NXN: variants seen among roughly 807,000 people sequenced by gnomAD.
NXN encodes the protein nucleoredoxin 1.
Under a neutral mutation model 48.6 loss-of-function variants are expected in NXN, and 16 were observed. The observed-to-expected ratio is 0.33, with a 90% CI of 0.22 to 0.50. The LOEUF is 0.50. Ranked by LOEUF, NXN falls within the 20% of genes least tolerant of loss-of-function variation. NXN has a pLI of 0.98. For missense variants in NXN, 492 were observed against 605.5 expected (o/e 0.81, Z 1.97); for synonymous variants, 281 against 269.6 (o/e 1.04, Z -0.41).
chr17:889,699 A>AAAAGAAAG lies in NXN; in HGVS notation c.361-63629_361-63622dup, dbSNP rs201931057. 4.4e-4 allele frequency among the ~76,000 whole-genome samples: 56 copies of AAAAGAAAG among 126,670 alleles called. No homozygotes were observed. In the East Asian group the frequency reaches 5.6e-3, roughly 13 times the overall value. 83.1% of individuals were successfully genotyped at this position (126,670 alleles called of 152,430 possible). A position where few individuals can be genotyped will look rare whatever the true frequency, so the allele number is the denominator to read the frequency against. Reference sequence around the variant, plus strand: ...AAGAAAAGAAAAGAAGAAAGAAAGAAAAAGAAAGAAAGAAAGAAAGAAAGA... The same window carrying AAAAGAAAG: ...AAGAAAAGAAAAGAAGAAAGAAAGAAAAAGAAAGAAAGAAAGAAAGAAAGAAAGAAAGA... On this transcript the variant is annotated intron_variant, in intron 1 of 7. Transcript: ENST00000336868.
intron 6 of NXN, among the ~76,000 whole-genome samples, chr17:804,264 T>C (rs1012464345): frequency 2.0e-5 from 3 of 147,890 alleles, no homozygotes; most frequent in East Asian, 4.0e-4. Context: ...GACTGTGGTC[T>C]GGTCAGCGGC....
chr17:805,574 C>T (rs763690498), intron 5 of NXN, among the ~76,000 whole-genome samples: 8 of 152,124 alleles, frequency 5.3e-5, no homozygotes, highest in South Asian at 2.1e-4. Context: ...TGAGTTCATG[C>T]GGTTAAAGAA....
chr17:903,824 G>A (rs983111725), intron 1 of NXN, among the ~76,000 whole-genome samples: 5 of 152,174 alleles, frequency 3.3e-5, no homozygotes, highest in East Asian at 3.9e-4. Context: ...TATTATGACC[G>A]CAGCCAAAGG....
intron 1 of NXN, among the ~76,000 whole-genome samples, chr17:827,438 C>T (rs1033805905): frequency 4.6e-5 from 7 of 152,114 alleles, no homozygotes; most frequent in Admixed American, 1.3e-4. Context: ...CTGGCTAACA[C>T]GGTGAAACCC....
chr17:979,237 G>T, intron 1 of NXN, 82 bp downstream of exon 1: 1 of 1,024,758 alleles, frequency 9.8e-7, no homozygotes, highest in South Asian at 1.8e-5. Context: ...TTGGCGGAGG[G>T]CAGGGGTAAC....
intron 1 of NXN, among the ~76,000 whole-genome samples, chr17:889,632 G>C (rs973879539): frequency 1.3e-5 from 2 of 151,542 alleles, no homozygotes; most frequent in African/African-American, 4.9e-5. Flanking sequence ...AGCCGAGATT[G>C]CTCCATTGCA....
At chr17:888,082 T>C (rs886557433) in intron 1 of NXN, among the ~76,000 whole-genome samples, 4 of 152,120 alleles carry the variant, frequency 2.6e-5, no homozygotes, top group Admixed American at 1.3e-4. Context: ...CTTGGGTTCA[T>C]ACGACACGGA....
chr17:803,234 A>G (rs1454047678), intron 7 of NXN, among the ~76,000 whole-genome samples: 1 of 151,952 alleles, frequency 6.6e-6, no homozygotes, highest in African/African-American at 2.4e-5. Context: ...CAACCTCAGC[A>G]CTCACCGGGC....
Position 843,010 on chromosome 17 carries a change from A to AAGAAAGAG in NXN, c.361-16933_361-16932insCTCTTTCT, listed in dbSNP as rs1567829011. ...AAAGAGAGAAAGAGAGAAAGAGAGA[A>AAGAAAGAG]AGAAAGAAAGAAAGAAAGAAAGAAA... is the stretch of plus-strand genomic sequence containing the variant. On this transcript the variant is annotated intron_variant, in intron 1 of 7. Coordinates refer to ENST00000336868, the MANE Select transcript of NXN (RefSeq NM_022463.5). 1.4e-4 allele frequency among the ~76,000 whole-genome samples: 12 copies of AAGAAAGAG among 85,128 alleles called. 1 individual carries two copies. In the Middle Eastern group the frequency reaches 0.024, roughly 169 times the overall value. The allele number at this position is 85,128 out of a possible 152,430, so 55.8% of individuals were successfully genotyped here. A position where few individuals can be genotyped will look rare whatever the true frequency, so the allele number is the denominator to read the frequency against.
intron 1 of NXN, among the ~76,000 whole-genome samples, chr17:959,792 A>G (rs1269478664): frequency 7.5e-5 from 2 of 26,734 alleles, no homozygotes; most frequent in Non-Finnish European, 2.2e-4. Flanking sequence ...GAGACTCTGT[A>G]TAAAAAAAAA....
chr17:961,393 A>G (rs2150629198), intron 1 of NXN, among the ~76,000 whole-genome samples: 1 of 152,068 alleles, frequency 6.6e-6, no homozygotes, highest in African/African-American at 2.4e-5. Flanking sequence ...TCAAGAAAAA[A>G]AAAAAAGAAA....
Position 825,987 on chromosome 17 carries a change from AGCCCGTTCCT to A in NXN, c.442_451del (p.Arg148CysfsTer3). The A allele has an allele frequency of 6.2e-7, 1 of 1,613,304 alleles. No individual in the cohort carries two copies. The highest frequency in any genetic ancestry group is 8.5e-7 in the Non-Finnish European group (1 of 1,179,462). ...TTCTGGGTCATCTCGGATCACCAGCAGCCCGTTCCTGCACACAACCTTCCCAGTGGTGGCG... is the reference window on the plus strand; with the variant it reads ...TTCTGGGTCATCTCGGATCACCAGCAGCACACAACCTTCCCAGTGGTGGCG... On this transcript the variant is annotated frameshift_variant, in exon 2 of 8. Coordinates refer to ENST00000336868, the MANE Select transcript of NXN (RefSeq NM_022463.5). LOFTEE classifies it high-confidence loss of function. The surrounding 1 kb of genome is among the most constrained non-coding windows in gnomAD (Gnocchi z 4.1).
chr17:813,958 ACT>A (rs750471428), intron 5 of NXN, among the ~76,000 whole-genome samples: 3 of 125,712 alleles, frequency 2.4e-5, no homozygotes, highest in Non-Finnish European at 4.9e-5. Flanking sequence ...ACAGAGCAAG[ACT>A]CTGTCTAAAA....
intron 1 of NXN, among the ~76,000 whole-genome samples, chr17:851,231 A>G (rs1291203025): frequency 2.0e-5 from 3 of 152,232 alleles, no homozygotes; most frequent in African/African-American, 7.2e-5. Context: ...GCCGGGGCCC[A>G]GCAAGCCTGA....
Position 917,984 on chromosome 17 carries a change from A to G in NXN, c.360+61335T>C, listed in dbSNP as rs1303677735. Among the ~76,000 whole-genome samples the G allele has an allele frequency of 1.3e-5, 2 of 152,244 alleles. No individual in the cohort carries two copies. Among genetic ancestry groups the G allele is most frequent in the African/African-American group, 2.4e-5 (1 of 41,476 alleles). On this transcript the variant is annotated intron_variant, in intron 1 of 7. Coordinates refer to ENST00000336868, the MANE Select transcript of NXN (RefSeq NM_022463.5). The surrounding 1 kb of genome is among the most constrained non-coding windows in gnomAD (Gnocchi z 4.5). ...GTACTTTATGGAAGACACATGGCTC[A>G]CGGCAGGGCCCGGCACATCACAAAA...
At chr17:834,347 C>T (rs1913667364) in intron 1 of NXN, among the ~76,000 whole-genome samples, 1 of 152,180 alleles carries the variant, frequency 6.6e-6, no homozygotes, top group Non-Finnish European at 1.5e-5. Context: ...TCTGGCATTG[C>T]AGCAGCTGGG....
At chr17:808,413 C>T (rs898007180) in intron 5 of NXN, among the ~76,000 whole-genome samples, 15 of 150,996 alleles carry the variant, frequency 9.9e-5, no homozygotes, top group Non-Finnish European at 1.8e-4. Context: ...AGCGATTCTC[C>T]TGCCTCAGCC....
intron 5 of NXN, among the ~76,000 whole-genome samples, chr17:807,450 C>G (rs1344461376): frequency 6.6e-6 from 1 of 152,208 alleles, no homozygotes; most frequent in Non-Finnish European, 1.5e-5. Context: ...GGCAAAGCTG[C>G]CCATTTCCCG....
intron 1 of NXN, among the ~76,000 whole-genome samples, chr17:860,781 C>T (rs2144777823): frequency 6.6e-6 from 1 of 152,346 alleles, no homozygotes; most frequent in South Asian, 2.1e-4. Context: ...AACAGCAAAT[C>T]CTAAAGTTTA....
Sources: gnomAD v4.1 joint callset for allele counts (sites outside exome capture counted in the v4.1 genomes callset) on GRCh38, gnomAD v4.1.1 for gene constraint, Gnocchi (gnomAD v3.1) non-coding constraint, MANE v1.5 for transcripts, NCBI Gene and HGNC (gene_info 2026-07-23, HGNC 2026-07-21) for gene names.